TENM2: variants seen among roughly 807,000 people sequenced by gnomAD.
The protein encoded by TENM2 is teneurin-2.
A neutral mutation model predicts 245.2 loss-of-function variants in TENM2; 52 were observed. The ratio of observed to expected loss-of-function variants is 0.21; its 90% confidence interval spans 0.17 to 0.27. TENM2 has a LOEUF of 0.27. Ranked by LOEUF, TENM2 falls within the 10% of genes least tolerant of loss-of-function variation. The probability of loss-of-function intolerance (pLI) is 1.00; values close to 1 mark genes in which losing one functional copy is unlikely to be tolerated. For synonymous variants in TENM2, 1,363 were observed against 1,438.9 expected (o/e 0.95, Z 1.19); for missense variants, 3,046 against 3,666.8 (o/e 0.83, Z 4.37).
chr5:167,778,271 AT>A (rs1763946423), intron 2 of TENM2, among the ~76,000 whole-genome samples: 2 of 152,180 alleles, frequency 1.3e-5, no homozygotes, highest in South Asian at 4.1e-4. Context: ...AACAAGAGCC[AT>A]TTATGTGGAG....
intron 2 of TENM2, among the ~76,000 whole-genome samples, chr5:167,535,165 A>G (rs879340806): frequency 6.6e-6 from 1 of 151,982 alleles, no homozygotes; most frequent in Admixed American, 6.6e-5. Context: ...GGTACACAAC[A>G]TAAGTTATTG....
chr5:167,197,845 T>A, the TENM2 span, among the ~76,000 whole-genome samples: 1 of 151,928 alleles, frequency 6.6e-6, no homozygotes, highest in African/African-American at 2.4e-5. Context: ...ATATGTCTCA[T>A]ATAAATACAT....
the TENM2 span, among the ~76,000 whole-genome samples, chr5:167,130,991 C>T: frequency 6.7e-6 from 1 of 149,772 alleles, no homozygotes; most frequent in East Asian, 2.0e-4. Flanking sequence ...TTGAACTTCC[C>T]ACTTGATAAC....
chr5:167,982,421 T>C lies in TENM2; in HGVS notation c.948-10523T>C, dbSNP rs988254848. ...AAATACTGGCTGGGCAGTGATTTCA[T>C]ATTTGAGATATTGTGTTCATTGCAG... On this transcript the variant is annotated intron_variant, in intron 4 of 28. Coordinates refer to ENST00000518659, the Ensembl canonical transcript of TENM2. 5.9e-5 allele frequency among the ~76,000 whole-genome samples: 9 copies of C among 152,318 alleles called. No homozygotes were observed. In the South Asian group the frequency reaches 6.2e-4, roughly 11 times the overall value.
chr5:167,402,902 C>T (rs1238042217), intron 2 of TENM2, among the ~76,000 whole-genome samples: 1 of 152,054 alleles, frequency 6.6e-6, no homozygotes, highest in Non-Finnish European at 1.5e-5. Context: ...AATGTGAAAT[C>T]ATTTCAATTA....
chr5:167,423,081 C>A (rs1359439957), intron 2 of TENM2, among the ~76,000 whole-genome samples: 1 of 147,786 alleles, frequency 6.8e-6, no homozygotes, highest in African/African-American at 2.5e-5. Flanking sequence ...AAACTTGACA[C>A]CGTACCTTCA....
At chr5:167,704,505 C>T (rs548461437) in intron 2 of TENM2, among the ~76,000 whole-genome samples, 3 of 152,190 alleles carry the variant, frequency 2.0e-5, no homozygotes, top group Admixed American at 1.3e-4. Flanking sequence ...TAATGTTTCA[C>T]CCTCCTGCAT....
chr5:168,153,227 A>AT (rs1006048319), intron 12 of TENM2, among the ~76,000 whole-genome samples: 1 of 152,148 alleles, frequency 6.6e-6, no homozygotes, highest in Non-Finnish European at 1.5e-5. Flanking sequence ...TTAAAAAAAA[A>AT]GGAAAGAAAC....
intron 4 of TENM2, among the ~76,000 whole-genome samples, chr5:167,957,781 G>C (rs59972192): frequency 0.14 from 21,864 of 152,220 alleles, 2,076 homozygotes; most frequent in African/African-American, 0.26. Context: ...TAGTTGTGCA[G>C]ATTTGAGTGA....
the TENM2 span, among the ~76,000 whole-genome samples, chr5:167,172,034 G>C: frequency 6.6e-6 from 1 of 152,128 alleles, no homozygotes; most frequent in Admixed American, 6.6e-5. Context: ...CCTTTTGATA[G>C]GGTAACCTCT....
At chr5:167,698,287 C>A (rs749259221) in intron 2 of TENM2, among the ~76,000 whole-genome samples, 4 of 152,196 alleles carry the variant, frequency 2.6e-5, no homozygotes, top group Non-Finnish European at 5.9e-5. Context: ...ATCACCTTCT[C>A]ATTTTTCTCA....
At chr5:167,803,986 T>C (rs1348958148) in intron 2 of TENM2, among the ~76,000 whole-genome samples, 2 of 152,108 alleles carry the variant, frequency 1.3e-5, no homozygotes, top group Non-Finnish European at 2.9e-5. Context: ...TTCAAAATCC[T>C]AAACTTTTTG....
At chr5:167,170,059 C>T in the TENM2 span, among the ~76,000 whole-genome samples, 1 of 152,230 alleles carries the variant, frequency 6.6e-6, no homozygotes, top group Non-Finnish European at 1.5e-5. Context: ...GAAGAACTCA[C>T]ACACACTCCT....
the TENM2 span, among the ~76,000 whole-genome samples, chr5:167,016,284 A>AC: frequency 4.8e-3 from 685 of 143,418 alleles, 4 homozygotes; most frequent in African/African-American, 0.017. Flanking sequence ...AAACAAACAA[A>AC]AAAAAAAAAA....
rs1778062777 is a variant in TENM2, at chr5:167,929,110, AAAG to A, written c.713-23475_713-23473del. ...GAAAGAAAGAAAGAAAGAAAGAAAG[AAAG>A]AAAGAAAGAAAGAAAGAAAAGAAAG... On this transcript the variant is annotated intron_variant, in intron 3 of 28. Transcript: ENST00000518659. Among the ~76,000 whole-genome samples, 29 of 130,778 alleles carry A rather than the reference AAAG, an allele frequency of 2.2e-4. 1 individual carries two copies. Among genetic ancestry groups the A allele is most frequent in the Middle Eastern group, 4.1e-3 (1 of 242 alleles). The allele number at this position is 130,778 out of a possible 152,430, so 85.8% of individuals were successfully genotyped here.
chr5:167,828,165 T>C (rs1328774993), intron 2 of TENM2, among the ~76,000 whole-genome samples: 1 of 152,230 alleles, frequency 6.6e-6, no homozygotes, highest in Non-Finnish European at 1.5e-5. Context: ...ATCACCGTTT[T>C]ACAGATGAGG....
intron 2 of TENM2, among the ~76,000 whole-genome samples, chr5:167,568,024 T>A (rs962758727): frequency 6.0e-5 from 9 of 151,052 alleles, no homozygotes; most frequent in Non-Finnish European, 4.4e-5. Context: ...ATACTTAAAA[T>A]CTATGTGATG....
the TENM2 span, among the ~76,000 whole-genome samples, chr5:167,279,378 T>C: frequency 3.3e-5 from 5 of 152,202 alleles, no homozygotes; most frequent in Non-Finnish European, 4.4e-5. Flanking sequence ...CCTGGGACTC[T>C]GATGACATGA....
intron 2 of TENM2, among the ~76,000 whole-genome samples, chr5:167,464,702 A>C (rs1766530227): frequency 6.6e-6 from 1 of 152,144 alleles, no homozygotes. Flanking sequence ...TAAAGACAGA[A>C]CCCTGGAACT....
Sources: gnomAD v4.1 joint callset for allele counts (sites outside exome capture counted in the v4.1 genomes callset) on GRCh38, gnomAD v4.1.1 for gene constraint, MANE v1.5 for transcripts, NCBI Gene and HGNC (gene_info 2026-07-23, HGNC 2026-07-21) for gene names.